ZDHHC14: variants seen among roughly 807,000 people sequenced by gnomAD.
The protein encoded by ZDHHC14 is zDHHC palmitoyltransferase 14.
Under a neutral mutation model 47.7 loss-of-function variants are expected in ZDHHC14, and 16 were observed. The observed-to-expected ratio is 0.34, with a 90% CI of 0.23 to 0.51. The LOEUF (loss-of-function observed/expected upper bound fraction) is 0.51. ZDHHC14 is among the 20% of genes least tolerant of loss of function. The pLI, the probability that ZDHHC14 is intolerant of heterozygous loss-of-function variation, is 0.97. For missense variants in ZDHHC14, 515 were observed against 662.5 expected, an observed-to-expected ratio of 0.78 and a Z score of 2.44; for synonymous variants, 293 against 278.9, an observed-to-expected ratio of 1.05 and a Z score of -0.50.
intron 1 of ZDHHC14, among the ~76,000 whole-genome samples, chr6:157,430,991 C>G (rs908954614): frequency 1.1e-4 from 17 of 152,178 alleles, no homozygotes; most frequent in African/African-American, 3.9e-4. Flanking sequence ...TTCCTCAGAG[C>G]TGTTGTGTTG....
intron 1 of ZDHHC14, among the ~76,000 whole-genome samples, chr6:157,492,197 T>TCCCCCC (rs1554261195): frequency 2.4e-4 from 19 of 78,450 alleles, no homozygotes; most frequent in Admixed American, 3.9e-4. Flanking sequence ...ACATCCCCCC[T>TCCCCCC]CCGCCCCCGC....
chr6:157,566,181 G>A (rs1414397031), intron 2 of ZDHHC14, among the ~76,000 whole-genome samples: 1 of 152,168 alleles, frequency 6.6e-6, no homozygotes, highest in Non-Finnish European at 1.5e-5. Context: ...TTTGAGAGAA[G>A]AAAAGCTCTA....
At chr6:157,467,393 C>T (rs189290707) in intron 1 of ZDHHC14, among the ~76,000 whole-genome samples, 3 of 152,234 alleles carry the variant, frequency 2.0e-5, no homozygotes, top group Admixed American at 1.3e-4. Context: ...TTTGTCTATT[C>T]TGGACGTTTC....
At chr6:157,455,290 G>A (rs929687425) in intron 1 of ZDHHC14, among the ~76,000 whole-genome samples, 1 of 152,234 alleles carries the variant, frequency 6.6e-6, no homozygotes, top group Non-Finnish European at 1.5e-5. Context: ...GTGCTCTAGA[G>A]ATGCCTTCAC....
chr6:157,455,488 C>T (rs999537861), intron 1 of ZDHHC14, among the ~76,000 whole-genome samples: 1 of 152,188 alleles, frequency 6.6e-6, no homozygotes, highest in Non-Finnish European at 1.5e-5. Context: ...GAAATCTGTC[C>T]AGACTTTTGG....
At chr6:157,401,836 C>T (rs1217000656) in intron 1 of ZDHHC14, among the ~76,000 whole-genome samples, 1 of 149,062 alleles carries the variant, frequency 6.7e-6, no homozygotes, top group African/African-American at 2.5e-5. Context: ...GAGATGCACA[C>T]CTGCAGAGGT....
intron 1 of ZDHHC14, among the ~76,000 whole-genome samples, chr6:157,510,974 T>C (rs1780454415): frequency 6.6e-6 from 1 of 152,266 alleles, no homozygotes; most frequent in Non-Finnish European, 1.5e-5. Flanking sequence ...TGTTTCATCA[T>C]AATTTACCTT....
chr6:157,658,198 G>A (rs149016381), intron 8 of ZDHHC14, among the ~76,000 whole-genome samples: 87 of 152,144 alleles, frequency 5.7e-4, no homozygotes, highest in Admixed American at 1.2e-3. Context: ...CCCAGAATGG[G>A]AACCAGGGAA....
chr6:157,529,277 T>C, intron 1 of ZDHHC14: 1 of 154,666 alleles, frequency 6.5e-6, no homozygotes, highest in South Asian at 2.0e-4. Flanking sequence ...CTGGGAATTT[T>C]AGAAAGTTTA....
chr6:157,416,922 T>C (rs1777985953), intron 1 of ZDHHC14, among the ~76,000 whole-genome samples: 1 of 141,918 alleles, frequency 7.0e-6, no homozygotes, highest in Non-Finnish European at 1.5e-5. Context: ...TTCTCCTGCC[T>C]CAGCTCCCAA....
chr6:157,558,410 C>T (rs937512688), intron 2 of ZDHHC14, among the ~76,000 whole-genome samples: 3 of 152,170 alleles, frequency 2.0e-5, no homozygotes, highest in Admixed American at 6.5e-5. Context: ...TCACCCAGAG[C>T]GCCCACAGGT....
At chr6:157,617,183 A>G (rs191272896) in intron 3 of ZDHHC14, among the ~76,000 whole-genome samples, 1 of 152,328 alleles carries the variant, frequency 6.6e-6, no homozygotes, top group Admixed American at 6.5e-5. Flanking sequence ...TTTTATTACC[A>G]GATGAGATAT....
At chr6:157,417,118 G>A (rs1398771216) in intron 1 of ZDHHC14, among the ~76,000 whole-genome samples, 4 of 150,592 alleles carry the variant, frequency 2.7e-5, no homozygotes, top group Non-Finnish European at 4.4e-5. Flanking sequence ...ATGAGCCACC[G>A]CGCCTGGCTC....
intron 1 of ZDHHC14, among the ~76,000 whole-genome samples, chr6:157,424,618 C>T (rs1778179503): frequency 6.6e-6 from 1 of 152,186 alleles, no homozygotes; most frequent in Non-Finnish European, 1.5e-5. Flanking sequence ...AAAAGCCTTT[C>T]TGGAGGTTCT....
At chr6:157,390,101 A>G (rs528126667) in intron 1 of ZDHHC14, among the ~76,000 whole-genome samples, 115 of 152,168 alleles carry the variant, frequency 7.6e-4, no homozygotes, top group African/African-American at 2.6e-3. Context: ...GTGACAAATT[A>G]TCTTGGTTTT....
At chr6:157,547,889 T>A (rs1419028940) in intron 2 of ZDHHC14, among the ~76,000 whole-genome samples, 3 of 151,260 alleles carry the variant, frequency 2.0e-5, no homozygotes, top group African/African-American at 7.3e-5. Flanking sequence ...TTTTGTTGGG[T>A]TTTTTTAAGG....
rs1777202330 is a variant in ZDHHC14, at chr6:157,381,239, C to T, written c.-783C>T. 1 of 151,304 alleles carries T rather than the reference C, an allele frequency of 6.6e-6. No homozygotes were observed. Among genetic ancestry groups the T allele is most frequent in the African/African-American group, 2.4e-5 (1 of 41,170 alleles). 9.4% of individuals were successfully genotyped at this position (151,304 alleles called of 1,614,324 possible). A position where few individuals can be genotyped will look rare whatever the true frequency, so the allele number is the denominator to read the frequency against. ...CTGTGTCCCCGCGGCCCTCCTCGCGCCGGGGCCGCTTCCTCCGGGTAGGAG... is the reference window on the plus strand; with the variant it reads ...CTGTGTCCCCGCGGCCCTCCTCGCGTCGGGGCCGCTTCCTCCGGGTAGGAG... On this transcript the variant is annotated 5_prime_UTR_variant, in exon 1 of 9. Coordinates refer to ENST00000359775, the MANE Select transcript of ZDHHC14 (RefSeq NM_024630.3).
chr6:157,503,769 C>G (rs1028613867), intron 1 of ZDHHC14, among the ~76,000 whole-genome samples: 1 of 152,178 alleles, frequency 6.6e-6, no homozygotes, highest in African/African-American at 2.4e-5. Context: ...ATCACAGTGA[C>G]ATGCTTTTTA....
chr6:157,518,961 A>T (rs959692431), intron 1 of ZDHHC14, among the ~76,000 whole-genome samples: 3 of 152,140 alleles, frequency 2.0e-5, no homozygotes, highest in Non-Finnish European at 4.4e-5. Context: ...GTTCATGGTG[A>T]GGACTGGGGC....
Sources: allele counts gnomAD v4.1 joint callset (sites outside exome capture counted in the v4.1 genomes callset), GRCh38; gene constraint gnomAD v4.1.1; transcripts MANE v1.5; gene names NCBI Gene and HGNC (gene_info 2026-07-23, HGNC 2026-07-21).